CPO: variants seen among roughly 807,000 people sequenced by gnomAD.
The protein encoded by CPO is carboxypeptidase O, also known as metallocarboxypeptidase C.
In CPO, 43 loss-of-function variants were observed where a neutral mutation model predicts 41.2. The observed-to-expected ratio is 1.04, with a 90% confidence interval of 0.82 to 1.35. The LOEUF (loss-of-function observed/expected upper bound fraction) is 1.35, where lower values mean the gene tolerates loss of function less well. Ranked by LOEUF, CPO falls within the 40% of genes most tolerant of loss-of-function variation. The probability of loss-of-function intolerance (pLI) is 0.00; values close to 1 mark genes in which losing one functional copy is unlikely to be tolerated. For synonymous variants in CPO, 178 were observed against 162.7 expected (o/e 1.09, Z -0.72); for missense variants, 408 against 451.7 (o/e 0.90, Z 0.88).
intron 2 of CPO, among the ~76,000 whole-genome samples, 165 bp downstream of exon 2, chr2:206,949,878 G>A (rs934284344): frequency 3.3e-5 from 5 of 152,020 alleles, no homozygotes; most frequent in African/African-American, 1.2e-4. Flanking sequence ...CTCCCCACCC[G>A]CCACCACCAT....
intron 1 of CPO, among the ~76,000 whole-genome samples, chr2:206,945,961 A>C (rs1693136285): frequency 6.8e-6 from 1 of 146,090 alleles, no homozygotes; most frequent in African/African-American, 2.4e-5. Flanking sequence ...AATATTTAAA[A>C]AAATTTTTTT....
chr2:206,958,419 G>A lies in CPO; in HGVS notation c.372+14G>A, dbSNP rs757969843. ...TTCGTCAAAGAAGTAAGTGTCTTTA[G>A]CTTTCTCATACTGGTAAATCACCCC... On this transcript the variant is annotated intron_variant, in intron 4 of 8. Transcript: ENST00000272852. 4.0e-5 allele frequency: 57 copies of A among 1,423,290 alleles called. No homozygotes were observed. In the Middle Eastern group the frequency reaches 8.8e-4, roughly 22 times the overall value. 88.2% of individuals were successfully genotyped at this position (1,423,290 alleles called of 1,614,324 possible).
rs1212301911 is a variant in CPO, at chr2:206,958,978, T to TA, written c.372+573_372+574insA. On this transcript the variant is annotated intron_variant, in intron 4 of 8. Coordinates refer to ENST00000272852, the MANE Select transcript of CPO (RefSeq NM_173077.3). ...CTGGTCTGGAACCCCCGACCTCAGG[T>TA]GATCCACCTACCTCGGTCTCCCAAA... Among the ~76,000 whole-genome samples the TA allele has an allele frequency of 2.0e-5, 3 of 151,810 alleles. No homozygotes were observed. The East Asian group carries it at 5.8e-4, about 29-fold the overall frequency.
intron 3 of CPO, 54 bp downstream of exon 3, chr2:206,955,618 G>A (rs1475909084): frequency 6.1e-6 from 6 of 983,410 alleles, no homozygotes; most frequent in Non-Finnish European, 8.3e-6. Context: ...AGGAGGATAT[G>A]TGTTTACTAT....
chr2:206,960,542 G>A (rs750425478), intron 5 of CPO, among the ~76,000 whole-genome samples: 2 of 152,160 alleles, frequency 1.3e-5, no homozygotes, highest in Non-Finnish European at 1.5e-5. Context: ...CAAAGCAAAC[G>A]TTCCCTGAGT....
At chr2:206,960,822 C>G (rs898426404) in intron 5 of CPO, 30 bp from the exon 6 acceptor site, 1 of 1,461,706 alleles carries the variant, frequency 6.8e-7, no homozygotes. Flanking sequence ...AACCTTAGAA[C>G]AGCAACATCC....
intron 7 of CPO, among the ~76,000 whole-genome samples, chr2:206,967,689 C>T (rs964537027): frequency 6.6e-6 from 1 of 152,012 alleles, no homozygotes; most frequent in Non-Finnish European, 1.5e-5. Context: ...GGAGGGATGA[C>T]AAAATATGGT....
chr2:206,967,037 G>A (rs1415489494), intron 7 of CPO, among the ~76,000 whole-genome samples: 1 of 152,096 alleles, frequency 6.6e-6, no homozygotes, highest in Non-Finnish European at 1.5e-5. Flanking sequence ...TGGTGCACCT[G>A]GAGTGCAGTC....
At chr2:206,947,478 G>T (rs1470265476) in intron 1 of CPO, among the ~76,000 whole-genome samples, 3 of 152,160 alleles carry the variant, frequency 2.0e-5, no homozygotes, top group Non-Finnish European at 4.4e-5. Flanking sequence ...AAACCTAGAT[G>T]ACTATGGGTA....
intron 1 of CPO, among the ~76,000 whole-genome samples, chr2:206,943,225 T>C (rs1693061301): frequency 6.6e-6 from 1 of 152,058 alleles, no homozygotes; most frequent in Non-Finnish European, 1.5e-5. Context: ...TGCTAAACTA[T>C]GTGAAGGAAG....
chr2:206,961,012 A>G (rs1693468913), intron 6 of CPO, 70 bp downstream of exon 6: 7 of 1,092,728 alleles, frequency 6.4e-6, no homozygotes, highest in Non-Finnish European at 8.5e-6. Context: ...GTGAATTACT[A>G]AATGTATAAT....
intron 7 of CPO, 123 bp from the exon 8 acceptor site, chr2:206,968,140 C>A: frequency 2.8e-6 from 2 of 716,160 alleles, no homozygotes; most frequent in South Asian, 1.5e-5. Context: ...ATGTAGATGT[C>A]CGATGGGAAG....
rs577323242 is a variant in CPO at position 206,968,564 on chromosome 2, G to A, written c.862+217G>A. Among the ~76,000 whole-genome samples the A allele has an allele frequency of 7.2e-5, 11 of 152,274 alleles. No homozygotes were observed. In the East Asian group the frequency reaches 7.7e-4, roughly 11 times the overall value. ...GAACTAAAAGAAAAAGAATTAATGC[G>A]TTGGCTCAGACCAGAACTTCTCCTG... On this transcript the variant is annotated intron_variant, in intron 8 of 8. Transcript: ENST00000272852.
At chr2:206,942,810 A>G (rs1178442694) in intron 1 of CPO, among the ~76,000 whole-genome samples, 3 of 152,194 alleles carry the variant, frequency 2.0e-5, no homozygotes, top group Non-Finnish European at 4.4e-5. Flanking sequence ...AGCCTTTTCT[A>G]AGTATATGGT....
chr2:206,959,108 A>G (rs1170340965), intron 4 of CPO, among the ~76,000 whole-genome samples: 1 of 152,172 alleles, frequency 6.6e-6, no homozygotes, highest in African/African-American at 2.4e-5. Context: ...AGTGTGGATT[A>G]AGAGACTTAG....
At chr2:206,943,135 G>C (rs1166379287) in intron 1 of CPO, among the ~76,000 whole-genome samples, 1 of 152,134 alleles carries the variant, frequency 6.6e-6, no homozygotes, top group Non-Finnish European at 1.5e-5. Context: ...GAATGCACCA[G>C]GTGCAAACCC....
At chr2:206,959,848 T>G in intron 5 of CPO, 107 bp downstream of exon 5, 1 of 559,966 alleles carries the variant, frequency 1.8e-6, no homozygotes, top group Non-Finnish European at 3.3e-6. Flanking sequence ...TTCATACCTA[T>G]GTAAAGAAAG....
intron 2 of CPO, among the ~76,000 whole-genome samples, chr2:206,953,059 A>G (rs1178464316): frequency 6.6e-6 from 1 of 152,168 alleles, no homozygotes; most frequent in East Asian, 1.9e-4. Context: ...CTCCCATGAT[A>G]TCTGGGGACT....
chr2:206,959,073 C>T (rs181896326), intron 4 of CPO, among the ~76,000 whole-genome samples: 11 of 152,076 alleles, frequency 7.2e-5, no homozygotes, highest in Middle Eastern at 6.8e-3. Context: ...AAAAAGAGTA[C>T]GAAATAACTA....
Sources: allele counts gnomAD v4.1 joint callset (sites outside exome capture counted in the v4.1 genomes callset), GRCh38; gene constraint gnomAD v4.1.1; transcripts MANE v1.5; gene names NCBI Gene and HGNC (gene_info 2026-07-23, HGNC 2026-07-21).